Variants in PHGDH observed in about 807,000 individuals in gnomAD.
PHGDH encodes D-3-phosphoglycerate dehydrogenase.
PHGDH carries 50 observed loss-of-function variants against 52.6 expected under a neutral mutation model. The observed-to-expected ratio is 0.95, with a 90% CI of 0.76 to 1.20. PHGDH has a LOEUF of 1.20. Ranked by LOEUF, PHGDH falls within the 50% of genes most tolerant of loss-of-function variation. The probability of loss-of-function intolerance (pLI) is 0.00; values close to 1 mark genes in which losing one functional copy is unlikely to be tolerated. For missense variants in PHGDH, 630 were observed against 684.6 expected (o/e 0.92, Z 0.89); for synonymous variants, 271 against 280.5 (o/e 0.97, Z 0.34).
chr1:119,724,301 CCTT>C (rs1651299217), intron 3 of PHGDH: 1 of 175,440 alleles, frequency 5.7e-6, no homozygotes, highest in South Asian at 1.3e-4. Flanking sequence ...ATCAAGGACT[CCTT>C]GTTTCTCTAC....
chr1:119,711,993 C>G lies in PHGDH; in HGVS notation c.-30C>G, dbSNP rs755728483. On this transcript the variant is annotated 5_prime_UTR_variant, in exon 1 of 12. Transcript: ENST00000641023. ...TTCTTGGCTTAGGTACTTCTACTCA[C>G]AGCGGCCGATTCCGAGGCCAACTCC... 1 of 1,613,250 alleles carries G rather than the reference C, an allele frequency of 6.2e-7. No homozygotes were observed. Among genetic ancestry groups the G allele is most frequent in the Admixed American group, 1.7e-5 (1 of 60,022 alleles).
intron 5 of PHGDH, among the ~76,000 whole-genome samples, chr1:119,733,727 G>C (rs1399464996): frequency 6.6e-6 from 1 of 152,142 alleles, no homozygotes; most frequent in Non-Finnish European, 1.5e-5. Flanking sequence ...GCACAGGAAA[G>C]CAAAAAGGAG....
chr1:119,732,714 C>T (rs1651751485), intron 5 of PHGDH, among the ~76,000 whole-genome samples: 1 of 152,212 alleles, frequency 6.6e-6, no homozygotes, highest in African/African-American at 2.4e-5. Flanking sequence ...CAGTGCTTCG[C>T]TCACCCCTGA....
At chr1:119,734,587 T>C (rs1372441060) in intron 5 of PHGDH, 47 bp from the exon 6 acceptor site, 1 of 1,586,300 alleles carries the variant, frequency 6.3e-7, no homozygotes, top group Non-Finnish European at 8.7e-7. Flanking sequence ...ATAACAATAC[T>C]AATAATTAAG....
At chr1:119,712,244 T>C in intron 1 of PHGDH, 84 bp downstream of exon 1, 5 of 1,119,660 alleles carry the variant, frequency 4.5e-6, no homozygotes. Flanking sequence ...CGCGCCCCCC[T>C]CGCATGCACC....
At chr1:119,725,010 G>T (rs1355731133) in intron 3 of PHGDH, 1 of 456,708 alleles carries the variant, frequency 2.2e-6, no homozygotes, top group Admixed American at 2.3e-5. Flanking sequence ...GGCAATGTGG[G>T]TGGAGAGCAG....
chr1:119,721,105 G>A lies in PHGDH; in HGVS notation c.139-65G>A, dbSNP rs779962256. On this transcript the variant is annotated intron_variant, in intron 1 of 11. Transcript: ENST00000641023. ...CTCTTACTCAGGAGTAAGCAATGATGTGCCTGCGGCTTTACGAGTTCTCAC... is the reference window on the plus strand; with the variant it reads ...CTCTTACTCAGGAGTAAGCAATGATATGCCTGCGGCTTTACGAGTTCTCAC... 5.4e-6 allele frequency: 8 copies of A among 1,475,848 alleles called. No homozygotes were observed. In the African/African-American group the frequency reaches 9.7e-5, roughly 18 times the overall value. The allele number at this position is 1,475,848 out of a possible 1,614,324, so 91.4% of individuals were successfully genotyped here. A position where few individuals can be genotyped will look rare whatever the true frequency, so the allele number is the denominator to read the frequency against.
At chr1:119,714,918 C>T (rs115092842) in intron 1 of PHGDH, among the ~76,000 whole-genome samples, 69 of 152,254 alleles carry the variant, frequency 4.5e-4, no homozygotes, top group African/African-American at 1.5e-3. Flanking sequence ...CCCTGTCCCA[C>T]CCCTCCACCA....
At chr1:119,742,782 C>G in intron 10 of PHGDH, 25 bp from the exon 11 acceptor site, 1 of 1,430,406 alleles carries the variant, frequency 7.0e-7, no homozygotes, top group South Asian at 1.2e-5. Context: ...GGAGGTGTAA[C>G]AGTCACCTTG....
At chr1:119,719,128 G>A (rs1027498745) in intron 1 of PHGDH, among the ~76,000 whole-genome samples, 2 of 152,122 alleles carry the variant, frequency 1.3e-5, no homozygotes, top group Non-Finnish European at 2.9e-5. Flanking sequence ...GCTATGGGGG[G>A]AAATCAGAAT....
At chr1:119,730,721 C>T (rs892997077) in intron 5 of PHGDH, among the ~76,000 whole-genome samples, 3 of 152,156 alleles carry the variant, frequency 2.0e-5, no homozygotes, top group African/African-American at 7.2e-5. Context: ...TTTGGTAAGA[C>T]ATCTTTCATG....
At chr1:119,719,299 G>A (rs778246174) in intron 1 of PHGDH, among the ~76,000 whole-genome samples, 8 of 152,258 alleles carry the variant, frequency 5.3e-5, no homozygotes, top group Non-Finnish European at 5.9e-5. Context: ...GCGGGCATCC[G>A]ATAAAATGAA....
rs751522281 is a variant in PHGDH at position 119,734,705 on chromosome 1, G to A, written c.582G>A (p.Glu194=). The A allele has an allele frequency of 2.5e-6, 4 of 1,613,856 alleles. No individual in the cohort carries two copies. Among genetic ancestry groups the A allele is most frequent in the African/African-American group, 1.3e-5 (1 of 74,840 alleles). Residue 194 remains glutamate, a synonymous_variant, in exon 6 of 12, where the codon GAG becomes GAA. Coordinates refer to ENST00000641023, the MANE Select transcript of PHGDH (RefSeq NM_006623.4). The part of the protein sequence containing the change: ...ASFGVQQLPL[E]EIWPLCDFIT... ...TTGGTGTTCAGCAGCTGCCCCTGGA[G>A]GAGATCTGGCCTCTCTGTGATTTCA... is the stretch of plus-strand genomic sequence containing the variant.
chr1:119,731,805 C>T (rs1651706664), intron 5 of PHGDH, among the ~76,000 whole-genome samples: 2 of 152,216 alleles, frequency 1.3e-5, no homozygotes, highest in Admixed American at 6.5e-5. Context: ...AGTCCCTGTG[C>T]CATGCCGGTA....
chr1:119,739,504 C>G (rs1652092247), intron 8 of PHGDH: 1 of 152,114 alleles, frequency 6.6e-6, no homozygotes, highest in Non-Finnish European at 1.5e-5. Flanking sequence ...CAGTCATTTC[C>G]CATACCATGA....
chr1:119,738,533 C>T (rs1241010086), intron 8 of PHGDH, among the ~76,000 whole-genome samples: 1 of 152,222 alleles, frequency 6.6e-6, no homozygotes. Context: ...TGCACCTGGT[C>T]GGCCTCTGAG....
chr1:119,716,804 C>T (rs1025779785), intron 1 of PHGDH, among the ~76,000 whole-genome samples: 1 of 152,022 alleles, frequency 6.6e-6, no homozygotes, highest in African/African-American at 2.4e-5. Flanking sequence ...AAAGAAATGA[C>T]CACTAAAAAT....
chr1:119,725,023 G>A (rs772845523), intron 3 of PHGDH: 33 of 456,530 alleles, frequency 7.2e-5, no homozygotes, highest in African/African-American at 1.4e-4. Flanking sequence ...GAGAGCAGGC[G>A]TGGCTGGGCC....
In PHGDH at chr1:119,734,740, A is replaced by C; in HGVS notation, c.617A>C (p.His206Pro). ...CCTCTCTGTGATTTCATCACTGTGC[A>C]CACTCCTCTCCTGCCCTCCACGACA... is the stretch of plus-strand genomic sequence containing the variant. ...IWPLCDFITVHTPLLPSTTGL... is the reference protein window; with the variant it reads ...IWPLCDFITVPTPLLPSTTGL... The change falls in exon 6 of 12, where the codon CAC (histidine) becomes CCC (proline). Residue 206 changes from histidine (H) to proline (P), a missense_variant. Coordinates refer to ENST00000641023, the MANE Select transcript of PHGDH (RefSeq NM_006623.4). The C allele has an allele frequency of 1.9e-6, 3 of 1,613,764 alleles. No individual in the cohort carries two copies. The highest frequency in any genetic ancestry group is 2.5e-6 in the Non-Finnish European group (3 of 1,179,918).
Sources: allele counts gnomAD v4.1 joint callset (sites outside exome capture counted in the v4.1 genomes callset), GRCh38; gene constraint gnomAD v4.1.1; transcripts MANE v1.5; gene names NCBI Gene and HGNC (gene_info 2026-07-23, HGNC 2026-07-21).